FNIP2: variants seen among roughly 807,000 people sequenced by gnomAD.
FNIP2 encodes folliculin interacting protein 2.
A neutral mutation model predicts 108.7 loss-of-function variants in FNIP2; 32 were observed. That is an observed-to-expected ratio of 0.29 (90% CI 0.22 to 0.40). FNIP2 has a LOEUF of 0.40. Ranked by LOEUF, FNIP2 falls within the 10% of genes least tolerant of loss-of-function variation. The probability of loss-of-function intolerance (pLI) is 1.00; values close to 1 mark genes in which losing one functional copy is unlikely to be tolerated. For synonymous variants in FNIP2, 480 were observed against 496.7 expected (o/e 0.97, Z 0.45); for missense variants, 1,202 against 1,381.6 (o/e 0.87, Z 2.06).
intron 14 of FNIP2, among the ~76,000 whole-genome samples, chr4:158,878,327 A>G (rs1781396605): frequency 6.6e-6 from 1 of 152,162 alleles, no homozygotes; most frequent in South Asian, 2.1e-4. Flanking sequence ...CTGGAGCTTC[A>G]AAGAACTATT....
chr4:158,859,343 T>C, intron 9 of FNIP2, 85 bp downstream of exon 9: 1 of 1,412,286 alleles, frequency 7.1e-7, no homozygotes, highest in Non-Finnish European at 9.6e-7. Context: ...ATGTATCAGA[T>C]GTCTTTCCTA....
At chr4:158,848,697 C>G (rs541174036) in intron 7 of FNIP2, among the ~76,000 whole-genome samples, 1 of 152,186 alleles carries the variant, frequency 6.6e-6, no homozygotes, top group East Asian at 1.9e-4. Flanking sequence ...TTCAAAATAG[C>G]TGTGTTGAGG....
At chr4:158,829,830 A>G (rs1778368282) in intron 3 of FNIP2, among the ~76,000 whole-genome samples, 1 of 152,206 alleles carries the variant, frequency 6.6e-6, no homozygotes, top group Admixed American at 6.5e-5. Context: ...AAAGAATATT[A>G]ATTGATGGAG....
In FNIP2 at chr4:158,907,477, T is replaced by A. The variant is rs1729939042; in HGVS notation, c.*2933T>A. 6.6e-6 allele frequency: 1 copy of A among 152,244 alleles called. No individual in the cohort carries two copies. The highest frequency in any genetic ancestry group is 1.5e-5 in the Non-Finnish European group (1 of 68,036). 9.4% of individuals were successfully genotyped at this position (152,244 alleles called of 1,614,324 possible). ...TGCTAAATGATACTAAACCGTTGTT[T>A]GGGCTCTTATAATTAGGTCCTGAGA... On this transcript the variant is annotated 3_prime_UTR_variant, in exon 17 of 17. Transcript: ENST00000264433.
At chr4:158,874,521 G>A (rs1283716960) in intron 14 of FNIP2, among the ~76,000 whole-genome samples, 2 of 108,066 alleles carry the variant, frequency 1.9e-5, no homozygotes, top group Non-Finnish European at 3.9e-5. Context: ...AGGCATGGTG[G>A]CACATGCCTG....
intron 1 of FNIP2, among the ~76,000 whole-genome samples, chr4:158,789,764 C>T (rs1489113687): frequency 1.3e-5 from 2 of 152,084 alleles, no homozygotes; most frequent in Non-Finnish European, 2.9e-5. Context: ...GCTTCAAAAT[C>T]GGAGTAGTTT....
chr4:158,806,933 A>G (rs1280971879), intron 1 of FNIP2, among the ~76,000 whole-genome samples: 1 of 152,220 alleles, frequency 6.6e-6, no homozygotes, highest in Non-Finnish European at 1.5e-5. Flanking sequence ...TATGAACAGC[A>G]AATTTTAATA....
chr4:158,816,996 GT>G (rs1213446031), intron 1 of FNIP2, among the ~76,000 whole-genome samples: 2 of 151,986 alleles, frequency 1.3e-5, no homozygotes, highest in Non-Finnish European at 2.9e-5. Flanking sequence ...TTCTATGGGG[GT>G]TTTTTGTTTT....
At chr4:158,890,898 A>G (rs1250187626) in intron 14 of FNIP2, among the ~76,000 whole-genome samples, 2 of 152,184 alleles carry the variant, frequency 1.3e-5, no homozygotes, top group South Asian at 4.1e-4. Flanking sequence ...TCCAGCTGGC[A>G]TAGCTTGGGC....
intron 16 of FNIP2, 41 bp downstream of exon 16, chr4:158,895,906 T>G: frequency 7.1e-7 from 1 of 1,402,684 alleles, no homozygotes; most frequent in Non-Finnish European, 1.0e-6. Context: ...CTTTGATAGG[T>G]ATCCCTAGCA....
chr4:158,872,298 G>T (rs1468189141), intron 14 of FNIP2: 4 of 985,248 alleles, frequency 4.1e-6, no homozygotes, highest in Non-Finnish European at 4.8e-6. Context: ...AGGCTGGCAA[G>T]TTCTCATTTT....
chr4:158,779,236 A>T (rs939825280), intron 1 of FNIP2, among the ~76,000 whole-genome samples: 2 of 152,248 alleles, frequency 1.3e-5, no homozygotes, highest in African/African-American at 2.4e-5. Flanking sequence ...TTAAAAAAAC[A>T]AATGTTTGTG....
At chr4:158,782,164 C>T (rs1776072075) in intron 1 of FNIP2, among the ~76,000 whole-genome samples, 1 of 152,090 alleles carries the variant, frequency 6.6e-6, no homozygotes. Context: ...AGTTCCTGCT[C>T]TGAAGGCAAT....
At position 158,822,201 on chromosome 4, in the gene FNIP2, A is replaced by G. The variant is rs1301046117; in HGVS notation, c.108-3715A>G. ...TTTTTTTTTTTTTTTTTTTTGAGATAGAGTCTCCCTGTGTTGCCCAGGCTG... is the reference window on the plus strand; with the variant it reads ...TTTTTTTTTTTTTTTTTTTTGAGATGGAGTCTCCCTGTGTTGCCCAGGCTG... On this transcript the variant is annotated intron_variant, in intron 1 of 16. Coordinates refer to ENST00000264433, the MANE Select transcript of FNIP2 (RefSeq NM_020840.3). Among the ~76,000 whole-genome samples, 3 of 126,534 alleles carry G rather than the reference A, an allele frequency of 2.4e-5. No individual in the cohort carries two copies. The East Asian group carries it at 6.5e-4, about 27-fold the overall frequency. The allele number at this position is 126,534 out of a possible 152,430, so 83.0% of individuals were successfully genotyped here.
In FNIP2 at chr4:158,833,730, A is replaced by G. The variant is rs954266818; in HGVS notation, c.655+102A>G. Reference sequence around the variant, plus strand: ...TGTCGTGGGTTTTTTTTTTTGCGTTATCTTTAATCTGTGTTTATTTTTTTT... The same window carrying G: ...TGTCGTGGGTTTTTTTTTTTGCGTTGTCTTTAATCTGTGTTTATTTTTTTT... On this transcript the variant is annotated intron_variant, in intron 6 of 16. Transcript: ENST00000264433. 1.7e-5 allele frequency: 24 copies of G among 1,422,356 alleles called. No individual in the cohort carries two copies. In the African/African-American group the frequency reaches 3.1e-4, roughly 18 times the overall value. 88.1% of individuals were successfully genotyped at this position (1,422,356 alleles called of 1,614,324 possible).
intron 3 of FNIP2, 112 bp downstream of exon 3, chr4:158,829,337 A>C: frequency 2.2e-6 from 2 of 903,440 alleles, no homozygotes; most frequent in Non-Finnish European, 3.2e-6. Context: ...TATGAGGACA[A>C]GTATTCAACA....
intron 1 of FNIP2, among the ~76,000 whole-genome samples, chr4:158,824,150 C>T (rs2126556486): frequency 6.6e-6 from 1 of 152,272 alleles, no homozygotes; most frequent in Middle Eastern, 3.4e-3. Flanking sequence ...CTTTAAAAAT[C>T]ATAACATTAC....
Position 158,829,221 on chromosome 4 carries a change from A to G in FNIP2, c.377A>G (p.Tyr126Cys). The G allele has an allele frequency of 1.2e-6, 2 of 1,605,650 alleles. No individual in the cohort carries two copies. Among genetic ancestry groups the G allele is most frequent in the Non-Finnish European group, 1.7e-6 (2 of 1,175,254 alleles). ...CATGCTAAGGAACAGCTTCCAAAGTACCAGGTACAACCATCCCTTCTGTGG... is the reference window on the plus strand; with the variant it reads ...CATGCTAAGGAACAGCTTCCAAAGTGCCAGGTACAACCATCCCTTCTGTGG... ...SHHAKEQLPK[Y>C]QYTRPASDVN... The change falls in exon 3 of 17, where the codon TAC (tyrosine) becomes TGC (cysteine). Residue 126 changes from tyrosine to cysteine, a missense_variant. Coordinates refer to ENST00000264433, the MANE Select transcript of FNIP2 (RefSeq NM_020840.3).
At chr4:158,771,113 C>T (rs1195310665) in intron 1 of FNIP2, among the ~76,000 whole-genome samples, 5 of 152,164 alleles carry the variant, frequency 3.3e-5, no homozygotes, top group Non-Finnish European at 5.9e-5. Flanking sequence ...GTGCCAAGTA[C>T]GGTCTTTTTT....
Sources: allele counts gnomAD v4.1 joint callset (sites outside exome capture counted in the v4.1 genomes callset), GRCh38; gene constraint gnomAD v4.1.1; transcripts MANE v1.5; gene names NCBI Gene and HGNC (gene_info 2026-07-23, HGNC 2026-07-21).